The following CCNH variants were observed in gnomAD, a reference collection of about 807,000 sequenced individuals.
The protein encoded by CCNH is cyclin H, also known as cyclin-H.
In CCNH, 31 loss-of-function variants were observed where a neutral mutation model predicts 41.9. That is an observed-to-expected ratio of 0.74 (90% confidence interval 0.56 to 1.00). The LOEUF is 1.00. Among genes scored for constraint, CCNH ranks in the 50% least tolerant of loss-of-function variants. CCNH has a pLI of 0.00. For synonymous variants in CCNH, 138 were observed against 136.1 expected (o/e 1.01, Z -0.10); for missense variants, 362 against 388.4 (o/e 0.93, Z 0.57).
At chr5:87,412,500 T>C in intron 1 of CCNH, 178 bp downstream of exon 1, 1 of 1,427,572 alleles carries the variant, frequency 7.0e-7, no homozygotes, top group South Asian at 1.5e-5. Flanking sequence ...GATGGCGTTG[T>C]TCGTCTTTGT....
intron 3 of CCNH, 147 bp from the exon 4 acceptor site, chr5:87,408,333 G>T: frequency 4.1e-6 from 2 of 487,116 alleles, no homozygotes; most frequent in Admixed American, 3.7e-5. Flanking sequence ...GACATTGCAA[G>T]AATTGTTTTT....
intron 9 of CCNH, among the ~76,000 whole-genome samples, chr5:87,383,472 A>G (rs1316249907): frequency 6.6e-6 from 1 of 152,142 alleles, no homozygotes; most frequent in Non-Finnish European, 1.5e-5. Context: ...GTTAATCCAC[A>G]TTCTAAATTG....
At chr5:87,345,457 T>TTGTA (rs2112411359) in intron 9 of CCNH, among the ~76,000 whole-genome samples, 1 of 152,260 alleles carries the variant, frequency 6.6e-6, no homozygotes, top group African/African-American at 2.4e-5. Flanking sequence ...GCTCTAGCAT[T>TTGTA]TGTAGTAAGT....
rs750567733 is a variant in CCNH at position 87,401,658 on chromosome 5, T to C, written c.760+44A>G. 2.9e-5 allele frequency: 34 copies of C among 1,176,980 alleles called. No individual in the cohort carries two copies. The East Asian group carries it at 6.0e-4, about 21-fold the overall frequency. The allele number at this position is 1,176,980 out of a possible 1,614,324, so 72.9% of individuals were successfully genotyped here. The stretch of plus-strand genomic sequence containing the variant: ...CAAGAGATTTATTTAGAAAGGAGCT[T>C]TGTATTGGAAGAAACATTTTGTAAA... On this transcript the variant is annotated intron_variant, in intron 6 of 8. Transcript: ENST00000256897.
In CCNH at chr5:87,403,517, C is replaced by T. The variant is rs950540511; in HGVS notation, c.689+1327G>A. 3.9e-5 allele frequency among the ~76,000 whole-genome samples: 6 copies of T among 152,140 alleles called. No homozygotes were observed. The East Asian group carries it at 7.7e-4, about 20-fold the overall frequency. ...TGCAGGCCAGGTATGGTGGTGTGCA[C>T]CTGTCACCCCAGCACTTTGGGAGGC... On this transcript the variant is annotated intron_variant, in intron 5 of 8. Coordinates refer to ENST00000256897, the MANE Select transcript of CCNH (RefSeq NM_001239.4).
intron 9 of CCNH, among the ~76,000 whole-genome samples, chr5:87,371,165 C>A (rs1760911777): frequency 6.6e-6 from 1 of 151,998 alleles, no homozygotes. Flanking sequence ...GTTTTGCAAG[C>A]CTAACATAGA....
downstream of CCNH, among the ~76,000 whole-genome samples, chr5:87,313,887 G>C (rs1449299823): frequency 6.6e-6 from 1 of 152,174 alleles, no homozygotes; most frequent in Non-Finnish European, 1.5e-5. Flanking sequence ...GCATGTTTGG[G>C]CCGGGCGTGG....
At chr5:87,371,875 T>C (rs1292188621), downstream of CCNH, among the ~76,000 whole-genome samples, 1 of 152,184 alleles carries the variant, frequency 6.6e-6, no homozygotes, top group Non-Finnish European at 1.5e-5. Flanking sequence ...ATGTGTTTCA[T>C]ACATAAATTC....
upstream of CCNH, chr5:87,379,908 C>A (rs1761590117): frequency 3.9e-6 from 6 of 1,538,566 alleles, no homozygotes; most frequent in South Asian, 4.6e-5. Context: ...TCAGAAATTT[C>A]TATTTCTAAA....
intron 1 of CCNH, chr5:87,412,358 TG>T: frequency 9.4e-7 from 1 of 1,066,058 alleles, no homozygotes; most frequent in South Asian, 3.0e-5. Context: ...CATTGGCTAC[TG>T]GGAAAAACCT....
At chr5:87,380,547 T>C, upstream of CCNH, 2 of 1,613,528 alleles carry the variant, frequency 1.2e-6, no homozygotes, top group Non-Finnish European at 1.7e-6. Flanking sequence ...CAGAAATCTG[T>C]TCAGCATAAG....
chr5:87,377,157 A>T, exon 1 of CCNH: 1 of 1,344,304 alleles, frequency 7.4e-7, no homozygotes, highest in Non-Finnish European at 1.0e-6. Context: ...AAAATAAGTT[A>T]TTCTGTTTTC....
At position 87,408,103 on chromosome 5, in the gene CCNH, G is replaced by A. The variant is rs1477015093; in HGVS notation, c.398C>T (p.Pro133Leu). ...TTCAAGTGCCTTCTCCTGTCCAAGA[G>A]GACTCTCCCGGAGGTTTCCAACAAA... is the stretch of plus-strand genomic sequence containing the variant. ...PQFVGNLRES[P>L]LGQEKALEQI... Residue 133 changes from proline (P) to leucine (L), a missense_variant, in exon 4 of 9, where the codon CCT (proline) becomes CTT (leucine). Physicochemically the swap from Pro to Leu is moderately conservative, Grantham distance 98. Coordinates refer to ENST00000256897, the MANE Select transcript of CCNH (RefSeq NM_001239.4). 2.5e-6 allele frequency: 4 copies of A among 1,613,386 alleles called. No homozygotes were observed. The African/African-American group carries it at 4.0e-5, about 16-fold the overall frequency.
intron 6 of CCNH, among the ~76,000 whole-genome samples, chr5:87,399,732 A>G (rs142479868): frequency 6.6e-6 from 1 of 152,334 alleles, no homozygotes; most frequent in African/African-American, 2.4e-5. Flanking sequence ...CATATCATAT[A>G]CAGCATAAAG....
intron 7 of CCNH, among the ~76,000 whole-genome samples, chr5:87,397,134 T>A (rs2112550131): frequency 6.6e-6 from 1 of 152,232 alleles, no homozygotes; most frequent in South Asian, 2.1e-4. Context: ...TGCAGTGAGT[T>A]AAGTACAGGA....
In CCNH at chr5:87,412,876, C is replaced by T; in HGVS notation, c.-82G>A. The T allele has an allele frequency of 1.9e-6, 3 of 1,557,698 alleles. No individual in the cohort carries two copies. Among genetic ancestry groups the T allele is most frequent in the Non-Finnish European group, 2.6e-6 (3 of 1,147,416 alleles). On this transcript the variant is annotated 5_prime_UTR_variant, in exon 1 of 9. Transcript: ENST00000256897. ...GTCCTGGCGTAAAACACCCGTACCC[C>T]CACCGAAGATCTCGCGGAAGCCTAG... is the stretch of plus-strand genomic sequence containing the variant.
At chr5:87,378,655 A>G, upstream of CCNH, 1 of 1,074,186 alleles carries the variant, frequency 9.3e-7, no homozygotes, top group South Asian at 1.4e-5. Flanking sequence ...TATTCCTCAT[A>G]GCAGTTACAC....
downstream of CCNH, among the ~76,000 whole-genome samples, chr5:87,373,957 C>T (rs1223735466): frequency 6.6e-6 from 1 of 151,130 alleles, no homozygotes; most frequent in African/African-American, 2.4e-5. Flanking sequence ...TTGTTTTTAT[C>T]TTTTAGGTGG....
chr5:87,409,355 A>G lies in CCNH; in HGVS notation c.249T>C (p.Ala83=), dbSNP rs763831181. 1 of 1,558,892 alleles carries G rather than the reference A, an allele frequency of 6.4e-7. No homozygotes were observed. Among genetic ancestry groups the G allele is most frequent in the African/African-American group, 1.4e-5 (1 of 73,876 alleles). ...PAMPRSVVGT[A]CMYFKRFYLN... is the part of the protein sequence containing the mutation. The stretch of plus-strand genomic sequence containing the variant: ...GATAAAAACGTTTGAAATACATACA[A>G]GCCGTACCCTAAGGGTTAAAAAAAA... Residue 83 remains alanine (A), a synonymous_variant, in exon 3 of 9, where the codon GCT becomes GCC. Transcript: ENST00000256897.
Sources: gnomAD v4.1 joint callset for allele counts (sites outside exome capture counted in the v4.1 genomes callset) on GRCh38, gnomAD v4.1.1 for gene constraint, MANE v1.5 for transcripts, NCBI Gene and HGNC (gene_info 2026-07-23, HGNC 2026-07-21) for gene names.